MUC5AC: variants seen among roughly 807,000 people sequenced by gnomAD.
MUC5AC encodes the protein mucin 5AC, oligomeric mucus/gel-forming.
MUC5AC carries 158 observed loss-of-function variants against 169.7 expected under a neutral mutation model. The observed-to-expected ratio is 0.93, with a 90% CI of 0.82 to 1.06. The LOEUF is 1.06. MUC5AC is among the 50% of genes least tolerant of loss of function. The pLI is 0.00. For missense variants in MUC5AC, 4,359 were observed against 3,089.9 expected (o/e 1.41, Z -9.74); for synonymous variants, 1,975 against 1,237.0 (o/e 1.60, Z -12.52).
At chr11:1,178,360 T>G (rs1211945784) in intron 24 of MUC5AC, 84 bp from the exon 25 acceptor site, 4 of 393,746 alleles carry the variant, frequency 1.0e-5, no homozygotes, top group Non-Finnish European at 1.8e-5. Context: ...TGGCCCTGGG[T>G]GGGAGGAGGC....
chr11:1,172,888 G>GC (rs1469587006), intron 16 of MUC5AC, among the ~76,000 whole-genome samples: 10 of 72,206 alleles, frequency 1.4e-4, no homozygotes, highest in Admixed American at 4.3e-4. Context: ...TCACCCATTT[G>GC]CCCCCCCACT....
At position 1,180,529 on chromosome 11, in the gene MUC5AC, G is replaced by T. The variant is rs970677101; in HGVS notation, c.3776+13G>T. On this transcript the variant is annotated intron_variant, in intron 28 of 48. Coordinates refer to ENST00000621226, the MANE Select transcript of MUC5AC (RefSeq NM_001304359.2). ...ACTGCCAGTCCTGGTGAGTCCTTTGGGGGGAGGAATATGGAGCCTGCAGCA... is the reference window on the plus strand; with the variant it reads ...ACTGCCAGTCCTGGTGAGTCCTTTGTGGGGAGGAATATGGAGCCTGCAGCA... 6.5e-5 allele frequency: 26 copies of T among 398,698 alleles called. No homozygotes were observed. The highest frequency in any genetic ancestry group is 6.2e-4 in the Middle Eastern group (1 of 1,612). The allele number at this position is 398,698 out of a possible 1,614,324, so 24.7% of individuals were successfully genotyped here.
Position 1,165,664 on chromosome 11 carries a change from C to A in MUC5AC, c.1290C>A (p.Cys430Ter). 6.2e-7 allele frequency: 1 copy of A among 1,612,460 alleles called. No individual in the cohort carries two copies. ...GGTGGAGCTGCCAGGAGGTTCCATG[C>A]CCGGGTACCTGCTCTGTGCTTGGAG... is the stretch of plus-strand genomic sequence containing the variant. The part of the protein sequence containing the change: ...GGRWSCQEVP[C>*]PGTCSVLGGA... The change falls in exon 11 of 49, where the codon TGC becomes TGA. Residue 430 changes from cysteine to a stop codon, truncating the protein, a stop_gained. Coordinates refer to ENST00000621226, the MANE Select transcript of MUC5AC (RefSeq NM_001304359.2). LOFTEE classifies it high-confidence loss of function.
rs1476517678 is a variant in MUC5AC at position 1,182,559 on chromosome 11, A to C, written c.4414A>C (p.Arg1472=). 2.5e-6 allele frequency: 1 copy of C among 398,574 alleles called. No individual in the cohort carries two copies. Among genetic ancestry groups the C allele is most frequent in the African/African-American group, 2.1e-5 (1 of 48,592 alleles). 24.7% of individuals were successfully genotyped at this position (398,574 alleles called of 1,614,324 possible). A position where few individuals can be genotyped will look rare whatever the true frequency, so the allele number is the denominator to read the frequency against. The part of the protein sequence containing the change: ...ASGLCYNYQI[R]VQCCTPLPCS... ...GGGGCTCTGCTACAACTACCAGATC[A>C]GGGTCCAGTGCTGCACGCCCCTACC... Residue 1472 remains arginine, a synonymous_variant, in exon 31 of 49, where the codon AGG becomes CGG. Transcript: ENST00000621226.
At chr11:1,165,807 G>A in intron 11 of MUC5AC, 47 bp downstream of exon 11, 1 of 1,606,252 alleles carries the variant, frequency 6.2e-7, no homozygotes, top group Non-Finnish European at 8.5e-7. Context: ...GGGGGCCCAT[G>A]GCCAGCCTCC....
At position 1,158,029 on chromosome 11, in the gene MUC5AC, G is replaced by GCT; in HGVS notation, c.33_34dup (p.Trp12SerfsTer53). 6.2e-7 allele frequency: 1 copy of GCT among 1,607,212 alleles called. No homozygotes were observed. Among genetic ancestry groups the GCT allele is most frequent in the Non-Finnish European group, 8.5e-7 (1 of 1,177,958 alleles). On this transcript the variant is annotated frameshift_variant, in exon 1 of 49. Coordinates refer to ENST00000621226, the MANE Select transcript of MUC5AC (RefSeq NM_001304359.2). LOFTEE classifies it high-confidence loss of function. ...GTGTTGGCCGGAGGAAGCTGGCCCT[G>GCT]CTCTGGGCCCTGGCTCTCGCTCTGG... is the stretch of plus-strand genomic sequence containing the variant.
At chr11:1,177,136 C>A in intron 22 of MUC5AC, 70 bp downstream of exon 22, 2 of 398,724 alleles carry the variant, frequency 5.0e-6, no homozygotes, top group African/African-American at 4.1e-5. Context: ...CTCTCTGCGG[C>A]TGCCCCAGGG....
At chr11:1,163,077 T>C in intron 6 of MUC5AC, 32 bp downstream of exon 6, 2 of 1,587,414 alleles carry the variant, frequency 1.3e-6, no homozygotes, top group Non-Finnish European at 1.7e-6. Flanking sequence ...AGCCCCTTCC[T>C]CAGTGTCCCC....
intron 2 of MUC5AC, 53 bp from the exon 3 acceptor site, chr11:1,161,474 C>A: frequency 7.0e-7 from 1 of 1,436,768 alleles, no homozygotes; most frequent in Non-Finnish European, 9.3e-7. Flanking sequence ...GGCTGCGGAG[C>A]CCCCGCCCCA....
chr11:1,196,638 C>T lies in MUC5AC; in HGVS notation c.15747C>T (p.Pro5249=). The T allele has an allele frequency of 2.6e-6, 2 of 762,736 alleles. No homozygotes were observed. The highest frequency in any genetic ancestry group is 2.4e-5 in the East Asian group (1 of 41,084). 47.2% of individuals were successfully genotyped at this position (762,736 alleles called of 1,614,324 possible). A position where few individuals can be genotyped will look rare whatever the true frequency, so the allele number is the denominator to read the frequency against. Residue 5249 remains proline, a synonymous_variant, in exon 39 of 49, where the codon CCC becomes CCT. Coordinates refer to ENST00000621226, the MANE Select transcript of MUC5AC (RefSeq NM_001304359.2). ...ASLGALPEAG[P]ITEGCFCPEG... The stretch of plus-strand genomic sequence containing the variant: ...ACAGGGCTCTGCCGGAGGCCGGCCC[C>T]ATCACCGAAGGCTGCTTCTGTCCGG...
intron 9 of MUC5AC, 122 bp from the exon 10 acceptor site, chr11:1,165,180 G>A (rs890486559): frequency 1.7e-4 from 153 of 925,082 alleles, no homozygotes; most frequent in Middle Eastern, 6.7e-4. Flanking sequence ...TGAGGCCCCC[G>A]TCCTGGGCCC....
In MUC5AC at chr11:1,190,037, C is replaced by T. The variant is rs1405756122; in HGVS notation, c.11892C>T (p.Asp3964=). 0.028 allele frequency: 21,184 copies of T among 764,176 alleles called. 420 individuals carry two copies. The highest frequency in any genetic ancestry group is 0.036 in the Non-Finnish European group (14,952 of 417,184). 47.3% of individuals were successfully genotyped at this position (764,176 alleles called of 1,614,324 possible). Reference sequence around the variant, plus strand: ...GGTGCACCTGGACCAAGTGGTTTGACGTGGACTTTCCATCCCCTGGACCCC... The same window carrying T: ...GGTGCACCTGGACCAAGTGGTTTGATGTGGACTTTCCATCCCCTGGACCCC... ...HPRCTWTKWF[D]VDFPSPGPHG... Residue 3964 remains aspartate (D), a synonymous_variant, in exon 31 of 49, where the codon GAC becomes GAT. Coordinates refer to ENST00000621226, the MANE Select transcript of MUC5AC (RefSeq NM_001304359.2).
At chr11:1,165,277 T>A in intron 9 of MUC5AC, 25 bp from the exon 10 acceptor site, 1 of 1,601,234 alleles carries the variant, frequency 6.2e-7, no homozygotes, top group Non-Finnish European at 8.5e-7. Context: ...CAGGCGCCCG[T>A]CATAGGCCTG....
Position 1,199,876 on chromosome 11 carries a change from A to G in MUC5AC, c.16607A>G (p.His5536Arg). 1 of 764,348 alleles carries G rather than the reference A, an allele frequency of 1.3e-6. No homozygotes were observed. Among genetic ancestry groups the G allele is most frequent in the South Asian group, 1.3e-5 (1 of 74,430 alleles). 47.3% of individuals were successfully genotyped at this position (764,348 alleles called of 1,614,324 possible). ...CCAGAGTCGACCTGTGCTGTGTACCATAGGAGCCTGATCATCCAGCAGCAG... is the reference window on the plus strand; with the variant it reads ...CCAGAGTCGACCTGTGCTGTGTACCGTAGGAGCCTGATCATCCAGCAGCAG... ...YQNQSTCAVY[H>R]RSLIIQQQGC... Residue 5536 changes from histidine (H) to arginine (R), a missense_variant, in exon 48 of 49, where the codon CAT (histidine) becomes CGT (arginine). Transcript: ENST00000621226.
rs1860156170 is a variant in MUC5AC, at chr11:1,162,016, C to T, written c.321C>T (p.Phe107=). 1 of 1,612,572 alleles carries T rather than the reference C, an allele frequency of 6.2e-7. No homozygotes were observed. The highest frequency in any genetic ancestry group is 8.5e-7 in the Non-Finnish European group (1 of 1,179,780). Residue 107 remains phenylalanine, a synonymous_variant, in exon 4 of 49, where the codon TTC becomes TTT. Transcript: ENST00000621226. ...FRFPGLCNYV[F]SEHCGAAYED... ...TCCCCGGCCTCTGCAACTACGTGTT[C>T]TCCGAGCACTGCGGTGCCGCCTACG...
At chr11:1,175,450 TG>T (rs1398554891) in intron 19 of MUC5AC, among the ~76,000 whole-genome samples, 180 bp downstream of exon 19, 151,983 of 152,004 alleles carry the variant, frequency 1, 75,981 homozygotes, top group Middle Eastern at 1. Flanking sequence ...AGGGAGGGTG[TG>T]GGGCGCACAT....
chr11:1,172,370 G>T, intron 15 of MUC5AC, 59 bp from the exon 16 acceptor site: 1 of 398,668 alleles, frequency 2.5e-6, no homozygotes, highest in Non-Finnish European at 4.4e-6. Context: ...AGGCCAAGCT[G>T]GGTGGGATGA....
chr11:1,183,986 A>T lies in MUC5AC; in HGVS notation c.5841A>T (p.Thr1947=), dbSNP rs1860871305. The change falls in exon 31 of 49, where the codon ACA becomes ACT. Residue 1947 remains threonine (T), a synonymous_variant. Transcript: ENST00000621226. ...AGCCCACCCCCACGGAGCCCAGCAC[A>T]TCCTCCTGCCTGCAGGAGCTTTGCA... ...SSKPTPTEPS[T]SSCLQELCTW... The T allele has an allele frequency of 2.5e-6, 1 of 394,554 alleles. No homozygotes were observed. The highest frequency in any genetic ancestry group is 4.5e-5 in the Admixed American group (1 of 22,388). 24.4% of individuals were successfully genotyped at this position (394,554 alleles called of 1,614,324 possible). A position where few individuals can be genotyped will look rare whatever the true frequency, so the allele number is the denominator to read the frequency against.
intron 30 of MUC5AC, among the ~76,000 whole-genome samples, chr11:1,181,716 C>G (rs1031366610): frequency 6.6e-6 from 1 of 152,128 alleles, no homozygotes; most frequent in Admixed American, 6.5e-5. Context: ...CAGCAGCCCC[C>G]GGGCCTGGCC....
Sources: allele counts gnomAD v4.1 joint callset (sites outside exome capture counted in the v4.1 genomes callset), GRCh38; gene constraint gnomAD v4.1.1; transcripts MANE v1.5; gene names NCBI Gene and HGNC (gene_info 2026-07-23, HGNC 2026-07-21).